Variants in WDPCP observed in about 807,000 individuals in gnomAD.
WDPCP encodes WD repeat-containing and planar cell polarity effector protein fritz homolog.
In WDPCP, 71 loss-of-function variants were observed where a neutral mutation model predicts 93.1. That is an observed-to-expected ratio of 0.76 (90% CI 0.63 to 0.93). WDPCP has a LOEUF of 0.93. WDPCP is among the 40% of genes least tolerant of loss of function. The pLI is 0.00. For missense variants in WDPCP, 844 were observed against 887.4 expected (o/e 0.95, Z 0.62); for synonymous variants, 315 against 315.0 (o/e 1.00, Z 0.00).
chr2:63,194,809 T>G (rs1275071332), intron 14 of WDPCP, among the ~76,000 whole-genome samples: 1 of 152,148 alleles, frequency 6.6e-6, no homozygotes, highest in Non-Finnish European at 1.5e-5. Context: ...TATTCCAGCA[T>G]AACTTGATAG....
At chr2:63,370,785 T>C (rs1396139269) in intron 12 of WDPCP, among the ~76,000 whole-genome samples, 1 of 152,156 alleles carries the variant, frequency 6.6e-6, no homozygotes, top group South Asian at 2.1e-4. Context: ...ATGTTTGTTG[T>C]CATAAATTGT....
Position 63,707,854 on chromosome 2 carries a change from CCTCAGCTGCAGGT to C in WDPCP, n.309-57029_309-57017del, listed in dbSNP as rs1191549756. On this transcript the variant is annotated intron_variant and non_coding_transcript_variant, in intron 2 of 4. Transcript: ENST00000467687. The stretch of plus-strand genomic sequence containing the variant: ...TAGTTTTCCTTCTAACAGTCAGGAC[CCTCAGCTGCAGGT>C]CTGTTGGAGTTTGCTGGAGGTCCAC... Among the ~76,000 whole-genome samples, 53 of 152,314 alleles carry C rather than the reference CCTCAGCTGCAGGT, an allele frequency of 3.5e-4. No individual in the cohort carries two copies. The Middle Eastern group carries it at 0.017, about 49-fold the overall frequency.
chr2:63,471,991 G>A (rs544825039), intron 6 of WDPCP, among the ~76,000 whole-genome samples: 1 of 152,022 alleles, frequency 6.6e-6, no homozygotes, highest in South Asian at 2.1e-4. Context: ...TGCACAATGT[G>A]CAGGTTACAT....
intron 13 of WDPCP, among the ~76,000 whole-genome samples, chr2:63,305,359 G>C (rs1685650171): frequency 6.6e-6 from 1 of 152,146 alleles, no homozygotes. Context: ...GCTGGCATCT[G>C]ACAGATGCCC....
chr2:63,332,035 A>G (rs892311975), intron 12 of WDPCP, among the ~76,000 whole-genome samples: 7 of 151,740 alleles, frequency 4.6e-5, no homozygotes, highest in South Asian at 2.1e-4. Context: ...GTATTCATGT[A>G]TAAGTTCTTG....
intron 13 of WDPCP, among the ~76,000 whole-genome samples, chr2:63,293,215 TA>T (rs1684577839): frequency 6.6e-6 from 1 of 152,260 alleles, no homozygotes; most frequent in East Asian, 1.9e-4. Flanking sequence ...CATTAAAGAC[TA>T]GGACTCTGAA....
At chr2:63,486,390 A>G in intron 4 of WDPCP, 152 bp downstream of exon 4, 2 of 629,876 alleles carry the variant, frequency 3.2e-6, no homozygotes, top group Non-Finnish European at 5.5e-6. Flanking sequence ...GGCCTGACAA[A>G]TACAATTGTT....
intron 1 of WDPCP, among the ~76,000 whole-genome samples, chr2:63,530,944 G>A (rs764001181): frequency 8.5e-5 from 13 of 152,194 alleles, no homozygotes; most frequent in East Asian, 1.9e-4. Flanking sequence ...CTAGCCAAGC[G>A]AAGCAGTAAC....
intron 14 of WDPCP, among the ~76,000 whole-genome samples, chr2:63,230,678 T>C (rs1678782722): frequency 6.6e-6 from 1 of 152,214 alleles, no homozygotes; most frequent in African/African-American, 2.4e-5. Flanking sequence ...TGCATTTCTC[T>C]GATGGCCAGT....
At chr2:63,565,257 A>G (rs527301714) in intron 1 of WDPCP, among the ~76,000 whole-genome samples, 2 of 152,352 alleles carry the variant, frequency 1.3e-5, no homozygotes, top group South Asian at 2.1e-4. Flanking sequence ...GACCAAAAAA[A>G]GTAATGCGTT....
At chr2:63,672,857 C>A (rs1710361499) in intron 2 of WDPCP, among the ~76,000 whole-genome samples, 1 of 152,056 alleles carries the variant, frequency 6.6e-6, no homozygotes, top group Non-Finnish European at 1.5e-5. Context: ...CATCCTCCTA[C>A]CTCAGCCTCC....
At chr2:63,138,169 T>C (rs1456166220) in intron 17 of WDPCP, among the ~76,000 whole-genome samples, 1 of 151,076 alleles carries the variant, frequency 6.6e-6, no homozygotes, top group African/African-American at 2.4e-5. Flanking sequence ...AAAATTGCAC[T>C]GCAGTGAGCA....
intron 3 of WDPCP, among the ~76,000 whole-genome samples, chr2:63,633,415 T>C (rs1012272520): frequency 6.6e-6 from 1 of 152,114 alleles, no homozygotes; most frequent in Admixed American, 6.5e-5. Context: ...TGATACATAA[T>C]ATAAAAACAA....
intron 17 of WDPCP, among the ~76,000 whole-genome samples, chr2:63,137,096 A>G (rs1166501889): frequency 6.6e-6 from 1 of 152,182 alleles, no homozygotes; most frequent in East Asian, 1.9e-4. Context: ...GCTGGGTCAA[A>G]TGGCATTTCT....
At chr2:63,722,991 C>G (rs1669448044) in intron 2 of WDPCP, among the ~76,000 whole-genome samples, 1 of 152,302 alleles carries the variant, frequency 6.6e-6, no homozygotes, top group East Asian at 1.9e-4. Context: ...TTACCCCCAA[C>G]CCTGTGCTCT....
chr2:63,275,835 A>T (rs1683043338), intron 13 of WDPCP, among the ~76,000 whole-genome samples: 1 of 152,238 alleles, frequency 6.6e-6, no homozygotes, highest in Non-Finnish European at 1.5e-5. Flanking sequence ...CATAGGAGGC[A>T]GGACTAGCTT....
chr2:63,350,349 T>C (rs956699405), intron 12 of WDPCP, among the ~76,000 whole-genome samples: 6 of 152,062 alleles, frequency 3.9e-5, no homozygotes, highest in South Asian at 4.1e-4. Flanking sequence ...AAATGACTAG[T>C]TGATGGGTGC....
chr2:63,697,033 G>A (rs1668968764), intron 2 of WDPCP, among the ~76,000 whole-genome samples: 1 of 152,112 alleles, frequency 6.6e-6, no homozygotes, highest in African/African-American at 2.4e-5. Flanking sequence ...TTCAAGAATG[G>A]GACTTTGACT....
chr2:63,413,214 C>G (rs1430429206), intron 9 of WDPCP, among the ~76,000 whole-genome samples: 2 of 152,018 alleles, frequency 1.3e-5, no homozygotes, highest in African/African-American at 4.8e-5. Flanking sequence ...CAGAAATAAA[C>G]CCAAATACTT....
Sources: gnomAD v4.1 joint callset for allele counts (sites outside exome capture counted in the v4.1 genomes callset) on GRCh38, gnomAD v4.1.1 for gene constraint, MANE v1.5 for transcripts, NCBI Gene and HGNC (gene_info 2026-07-23, HGNC 2026-07-21) for gene names.